Variants in PRKN observed in about 807,000 individuals in gnomAD.
The protein encoded by PRKN is E3 ubiquitin-protein ligase parkin.
A neutral mutation model predicts 59.5 loss-of-function variants in PRKN; 56 were observed. That is an observed-to-expected ratio of 0.94 (90% CI 0.76 to 1.18). PRKN has a LOEUF of 1.18. PRKN is among the 50% of genes most tolerant of loss of function. PRKN has a pLI of 0.00. For missense variants in PRKN, 657 were observed against 596.4 expected (o/e 1.10, Z -1.06); for synonymous variants, 250 against 222.1 (o/e 1.13, Z -1.12).
At chr6:162,631,930 C>A (rs184973324) in intron 1 of PRKN, among the ~76,000 whole-genome samples, 1 of 147,002 alleles carries the variant, frequency 6.8e-6, no homozygotes, top group Non-Finnish European at 1.5e-5. Context: ...AAATGCAAAT[C>A]AAAACCACAA....
At chr6:161,604,646 A>G (rs1159662231) in intron 7 of PRKN, among the ~76,000 whole-genome samples, 1 of 152,174 alleles carries the variant, frequency 6.6e-6, no homozygotes, top group Non-Finnish European at 1.5e-5. Flanking sequence ...TAGAAATCTG[A>G]CACATTGGCA....
chr6:162,690,185 C>G (rs1275641013), intron 1 of PRKN, among the ~76,000 whole-genome samples: 1 of 151,882 alleles, frequency 6.6e-6, no homozygotes, highest in Non-Finnish European at 1.5e-5. Context: ...CTCGCTTTAG[C>G]TAAAAACAGT....
intron 2 of PRKN, among the ~76,000 whole-genome samples, chr6:162,333,803 T>C (rs527345056): frequency 1.3e-5 from 2 of 152,340 alleles, no homozygotes; most frequent in East Asian, 1.9e-4. Flanking sequence ...GGAAGGCACG[T>C]TGAAAGCCAA....
chr6:161,965,366 G>A (rs1780537499), intron 6 of PRKN, among the ~76,000 whole-genome samples: 1 of 151,998 alleles, frequency 6.6e-6, no homozygotes, highest in African/African-American at 2.4e-5. Context: ...TGCCCAACAG[G>A]GACCTGGGTT....
chr6:161,599,572 G>C (rs539982084), intron 7 of PRKN, among the ~76,000 whole-genome samples: 2 of 152,254 alleles, frequency 1.3e-5, no homozygotes, highest in South Asian at 4.1e-4. Context: ...TTTGAGACAG[G>C]GCATCTTGGA....
rs182127711 is a variant in PRKN, at chr6:162,306,259, T to A, written c.172-43494A>T. Among the ~76,000 whole-genome samples the A allele has an allele frequency of 3.9e-5, 6 of 152,274 alleles. No individual in the cohort carries two copies. In the East Asian group the frequency reaches 1.2e-3, roughly 29 times the overall value. On this transcript the variant is annotated intron_variant, in intron 2 of 11. Transcript: ENST00000366898. ...GCCTGACTGAGGGTGTCGGGTAATT[T>A]GGTAATGCTGGTTCACAAGAAATGA... is the stretch of plus-strand genomic sequence containing the variant.
chr6:162,543,544 C>T (rs191269730), intron 1 of PRKN, among the ~76,000 whole-genome samples: 6 of 152,210 alleles, frequency 3.9e-5, no homozygotes, highest in African/African-American at 9.6e-5. Flanking sequence ...CTAAGTTCCT[C>T]GCCTCCCCAG....
At chr6:162,444,940 G>A (rs1321096470) in intron 1 of PRKN, among the ~76,000 whole-genome samples, 1 of 152,034 alleles carries the variant, frequency 6.6e-6, no homozygotes, top group Non-Finnish European at 1.5e-5. Context: ...CTATCGTCTT[G>A]TAACATTTAA....
intron 2 of PRKN, among the ~76,000 whole-genome samples, chr6:162,376,768 A>T (rs1437713092): frequency 9.0e-5 from 8 of 88,560 alleles, no homozygotes; most frequent in African/African-American, 3.1e-4. Flanking sequence ...TGAGAGGGAA[A>T]GGGAGGGGGA....
intron 9 of PRKN, among the ~76,000 whole-genome samples, chr6:161,531,663 G>A (rs545039832): frequency 5.3e-5 from 8 of 152,258 alleles, no homozygotes; most frequent in African/African-American, 1.4e-4. Context: ...CAAACGTGTA[G>A]GGGATATTTA....
At chr6:162,290,627 C>T (rs191324634) in intron 2 of PRKN, among the ~76,000 whole-genome samples, 1 of 151,958 alleles carries the variant, frequency 6.6e-6, no homozygotes, top group African/African-American at 2.4e-5. Context: ...AATATTAATG[C>T]CGTAGATTTT....
chr6:162,446,273 T>C (rs1440051383), intron 1 of PRKN, among the ~76,000 whole-genome samples: 1 of 152,020 alleles, frequency 6.6e-6, no homozygotes, highest in African/African-American at 2.4e-5. Context: ...TTTCTACTAG[T>C]GAGAATAGAT....
intron 4 of PRKN, among the ~76,000 whole-genome samples, chr6:162,101,314 A>G: frequency 6.6e-6 from 1 of 151,160 alleles, no homozygotes; most frequent in Non-Finnish European, 1.5e-5. Flanking sequence ...AGTTGTTCCA[A>G]CACCACTTAT....
At chr6:162,324,318 C>T (rs186381990) in intron 2 of PRKN, among the ~76,000 whole-genome samples, 1 of 152,106 alleles carries the variant, frequency 6.6e-6, no homozygotes, top group East Asian at 1.9e-4. Context: ...GCACAGAGAA[C>T]TTCTTGGGGA....
At chr6:162,006,869 C>G (rs1432889684) in intron 5 of PRKN, among the ~76,000 whole-genome samples, 3 of 151,988 alleles carry the variant, frequency 2.0e-5, no homozygotes, top group African/African-American at 7.3e-5. Context: ...CCCAATGAAC[C>G]CCAGAATATA....
At chr6:162,106,035 G>A (rs1182267850) in intron 4 of PRKN, among the ~76,000 whole-genome samples, 1 of 152,126 alleles carries the variant, frequency 6.6e-6, no homozygotes, top group Non-Finnish European at 1.5e-5. Context: ...GAATTTAGGA[G>A]GAGACAAAAA....
intron 9 of PRKN, among the ~76,000 whole-genome samples, chr6:161,481,630 CA>C: frequency 6.6e-6 from 1 of 151,644 alleles, no homozygotes; most frequent in East Asian, 1.9e-4. Flanking sequence ...AACAAACAAA[CA>C]AAAAAACAAA....
chr6:162,230,006 C>T (rs186752915), intron 3 of PRKN, among the ~76,000 whole-genome samples: 8 of 152,200 alleles, frequency 5.3e-5, no homozygotes, highest in South Asian at 2.1e-4. Context: ...GCCTGCACTC[C>T]GTAAACTTTC....
In PRKN at chr6:161,390,277, GT is replaced by G. The variant is rs1452855104; in HGVS notation, c.1084-3401del. 1.3e-5 allele frequency among the ~76,000 whole-genome samples: 2 copies of G among 152,170 alleles called. No homozygotes were observed. The highest frequency in any genetic ancestry group is 1.3e-4 in the Admixed American group (2 of 15,276). On this transcript the variant is annotated intron_variant, in intron 9 of 11. Transcript: ENST00000366898. This position sits in a 1 kb window ranked among gnomAD's most constrained non-coding sequence, Gnocchi z 7.0. Reference sequence around the variant, plus strand: ...GCGGTACTGTAACAAACTCACAGGGGTGCCTGGGATATTCTAGAATTTTAAG... The same window carrying G: ...GCGGTACTGTAACAAACTCACAGGGGGCCTGGGATATTCTAGAATTTTAAG...
Sources: allele counts gnomAD v4.1 joint callset (sites outside exome capture counted in the v4.1 genomes callset), GRCh38; gene constraint gnomAD v4.1.1; non-coding constraint Gnocchi (gnomAD v3.1); transcripts MANE v1.5; gene names NCBI Gene and HGNC (gene_info 2026-07-23, HGNC 2026-07-21).